GATM: variants seen among roughly 807,000 people sequenced by gnomAD.
GATM encodes glycine amidinotransferase, mitochondrial.
GATM carries 23 observed loss-of-function variants against 54.2 expected under a neutral mutation model. That is an observed-to-expected ratio of 0.42 (90% CI 0.31 to 0.60). The LOEUF (loss-of-function observed/expected upper bound fraction) is 0.60, where lower values mean the gene tolerates loss of function less well. Ranked by LOEUF, GATM falls within the 20% of genes least tolerant of loss-of-function variation. The probability of loss-of-function intolerance (pLI) is 0.14; values close to 1 mark genes in which losing one functional copy is unlikely to be tolerated. For missense variants in GATM, 401 were observed against 544.9 expected, an observed-to-expected ratio of 0.74 and a Z score of 2.63; for synonymous variants, 168 against 183.1, an observed-to-expected ratio of 0.92 and a Z score of 0.67.
rs778023713 is a variant in GATM, at chr15:45,369,316, C to T, written c.484+10G>A. 7 of 1,611,370 alleles carry T rather than the reference C, an allele frequency of 4.3e-6. No homozygotes were observed. Among genetic ancestry groups the T allele is most frequent in the Non-Finnish European group, 5.9e-6 (7 of 1,177,626 alleles). Reference sequence around the variant, plus strand: ...AGACACTGGCAGTTTAGTTATCTGACATCACTTACCCGTAGACTCAAAATC... The same window carrying T: ...AGACACTGGCAGTTTAGTTATCTGATATCACTTACCCGTAGACTCAAAATC... On this transcript the variant is annotated intron_variant, in intron 3 of 8. Coordinates refer to ENST00000396659, the MANE Select transcript of GATM (RefSeq NM_001482.3).
intron 4 of GATM, among the ~76,000 whole-genome samples, chr15:45,367,305 C>A (rs572850766): frequency 1.2e-4 from 18 of 150,462 alleles, no homozygotes; most frequent in Non-Finnish European, 2.1e-4. Flanking sequence ...CACGCCACTG[C>A]ACTCCAGTCT....
In GATM at chr15:45,366,454, A is replaced by G. The variant is rs1254418514; in HGVS notation, c.730T>C (p.Phe244Leu). 6.2e-7 allele frequency: 1 copy of G among 1,614,132 alleles called. No individual in the cohort carries two copies. The highest frequency in any genetic ancestry group is 8.5e-7 in the Non-Finnish European group (1 of 1,180,026). Reference sequence around the variant, plus strand: ...CATGGCTCAAACTCAGTTGTCACAAATTTTCCCTGAGCAGCCAATTTGTGT... The same window carrying G: ...CATGGCTCAAACTCAGTTGTCACAAGTTTTCCCTGAGCAGCCAATTTGTGT... The part of the protein sequence containing the change: ...DRHKLAAQGK[F>L]VTTEFEPCFD... The change falls in exon 5 of 9, where the codon TTT (phenylalanine) becomes CTT (leucine). Residue 244 changes from phenylalanine (F) to leucine (L), a missense_variant. Physicochemically the swap from Phe to Leu is conservative, Grantham distance 22. Around this residue, in one of 3 missense-constraint regions of GATM, gnomAD observed 321 missense variants for 457.5 expected, o/e 0.70. Coordinates refer to ENST00000396659, the MANE Select transcript of GATM (RefSeq NM_001482.3).
Position 45,368,646 on chromosome 15 carries a change from C to T in GATM, c.485-386G>A, listed in dbSNP as rs1463632242. On this transcript the variant is annotated intron_variant, in intron 3 of 8. Coordinates refer to ENST00000396659, the MANE Select transcript of GATM (RefSeq NM_001482.3). The surrounding 1 kb of genome is among the most constrained non-coding windows in gnomAD (Gnocchi z 5.1). ...AACAAAAAATGTCTATATAATATTACCTCTTTTTTTGGTTAAAAAAATTGC... is the reference window on the plus strand; with the variant it reads ...AACAAAAAATGTCTATATAATATTATCTCTTTTTTTGGTTAAAAAAATTGC... Among the ~76,000 whole-genome samples the T allele has an allele frequency of 1.3e-5, 2 of 151,190 alleles. No homozygotes were observed. The highest frequency in any genetic ancestry group is 2.9e-5 in the Non-Finnish European group (2 of 67,934).
Position 45,378,466 on chromosome 15 carries a change from G to T in GATM, c.-13C>A. 5 of 1,434,424 alleles carry T rather than the reference G, an allele frequency of 3.5e-6. No homozygotes were observed. The highest frequency in any genetic ancestry group is 4.5e-6 in the Non-Finnish European group (5 of 1,100,230). The allele number at this position is 1,434,424 out of a possible 1,614,324, so 88.9% of individuals were successfully genotyped here. ...GCACCCGCAGCATCGCCCTGGCCCG[G>T]CTGGTCCACGCGCGGAATGTTCCTG... On this transcript the variant is annotated 5_prime_UTR_variant, in exon 1 of 9. Transcript: ENST00000396659.
At chr15:45,378,604 C>T (rs1263156118), upstream of GATM, 2 of 548,420 alleles carry the variant, frequency 3.6e-6, no homozygotes, top group Non-Finnish European at 3.0e-6. Context: ...CCGCCCCCCG[C>T]GGCCCCATTG....
At chr15:45,394,910 A>G (rs1415258177) in intron 3 of GATM, among the ~76,000 whole-genome samples, 1 of 152,184 alleles carries the variant, frequency 6.6e-6, no homozygotes, top group African/African-American at 2.4e-5. Context: ...TTTTGGAGTC[A>G]GCCCTCCCAT....
At chr15:45,388,454 GT>G (rs1889831751) in intron 3 of GATM, among the ~76,000 whole-genome samples, 1 of 152,134 alleles carries the variant, frequency 6.6e-6, no homozygotes, top group African/African-American at 2.4e-5. Flanking sequence ...GATCTTACCA[GT>G]TTTTCCACTA....
rs1360207292 is a variant in GATM, at chr15:45,368,263, G to T, written c.485-3C>A. 1.9e-6 allele frequency: 3 copies of T among 1,613,370 alleles called. No individual in the cohort carries two copies. In the East Asian group the frequency reaches 6.7e-5, roughly 36 times the overall value. ...TCGAGGCATTGCACTGTATAAACCT[G>T]TCAGACCAAAAAATTCCATGACAAC... On this transcript the variant is annotated splice_polypyrimidine_tract_variant and splice_region_variant and intron_variant, in intron 3 of 8. Transcript: ENST00000396659. The surrounding 1 kb of genome is among the most constrained non-coding windows in gnomAD (Gnocchi z 5.1).
chr15:45,387,386 A>G (rs781479719), intron 3 of GATM, among the ~76,000 whole-genome samples: 12 of 152,202 alleles, frequency 7.9e-5, no homozygotes, highest in Non-Finnish European at 1.3e-4. Context: ...GTTTACTAGT[A>G]TAGGACTAAT....
chr15:45,375,488 C>G (rs1295686512), intron 2 of GATM, among the ~76,000 whole-genome samples: 2 of 152,084 alleles, frequency 1.3e-5, no homozygotes, highest in African/African-American at 4.8e-5. Context: ...CTAAAGGGCA[C>G]AGGAAGATGG....
At position 45,398,372 on chromosome 15, in the gene GATM, A is replaced by T. The variant is rs183696290; in HGVS notation, c.-480+1174T>A. ...CAATTTCCTGAAAATGTGCAAGAAC[A>T]GACTTTCAGAATGATGTTCTATGAA... On this transcript the variant is annotated intron_variant, in intron 2 of 4. Transcript: ENST00000561148. 5.3e-5 allele frequency among the ~76,000 whole-genome samples: 8 copies of T among 152,380 alleles called. No homozygotes were observed. In the East Asian group the frequency reaches 1.5e-3, roughly 29 times the overall value.
Position 45,361,847 on chromosome 15 carries a change from T to G in GATM, c.*262A>C, listed in dbSNP as rs1889370295. On this transcript the variant is annotated 3_prime_UTR_variant, in exon 9 of 9. Transcript: ENST00000396659. ...TGGCCAAGTTACTCAGGTGACTAAT[T>G]TTTTCTTGGTACACATTCACCAAAA... The G allele has an allele frequency of 1.9e-6, 1 of 520,906 alleles. No homozygotes were observed. The highest frequency in any genetic ancestry group is 3.4e-5 in the South Asian group (1 of 29,608). 32.3% of individuals were successfully genotyped at this position (520,906 alleles called of 1,614,324 possible). A position where few individuals can be genotyped will look rare whatever the true frequency, so the allele number is the denominator to read the frequency against.
At chr15:45,365,385 A>G (rs951397151) in intron 6 of GATM, among the ~76,000 whole-genome samples, 3 of 152,234 alleles carry the variant, frequency 2.0e-5, no homozygotes, top group Non-Finnish European at 4.4e-5. Flanking sequence ...ATACGAATAA[A>G]TGATAATAAA....
chr15:45,393,170 A>G (rs532390058), intron 3 of GATM, among the ~76,000 whole-genome samples: 21 of 152,346 alleles, frequency 1.4e-4, no homozygotes, highest in African/African-American at 4.8e-4. Context: ...TTTTATTTCC[A>G]TTTTACAAAT....
In GATM at chr15:45,375,071, GT is replaced by G. The variant is rs1463362501; in HGVS notation, c.288+1529del. 3.9e-5 allele frequency among the ~76,000 whole-genome samples: 6 copies of G among 152,024 alleles called. No homozygotes were observed. In the South Asian group the frequency reaches 6.2e-4, roughly 16 times the overall value. On this transcript the variant is annotated intron_variant, in intron 2 of 8. Coordinates refer to ENST00000396659, the MANE Select transcript of GATM (RefSeq NM_001482.3). ...CAGATAAAAACCACTAGGAGTTTTTGTTTGTTTGTTTGTTTTTGAGATGGAG... is the reference window on the plus strand; with the variant it reads ...CAGATAAAAACCACTAGGAGTTTTTGTTGTTTGTTTGTTTTTGAGATGGAG...
At chr15:45,393,556 T>C (rs774387729) in intron 3 of GATM, among the ~76,000 whole-genome samples, 11 of 152,158 alleles carry the variant, frequency 7.2e-5, no homozygotes, top group Non-Finnish European at 1.6e-4. Flanking sequence ...TACATGCCAA[T>C]AGAGCTTTTA....
intron 2 of GATM, among the ~76,000 whole-genome samples, chr15:45,372,890 G>A (rs1889565397): frequency 6.6e-6 from 1 of 152,136 alleles, no homozygotes; most frequent in Admixed American, 6.6e-5. Flanking sequence ...TGCTAAATGA[G>A]CCAGCAATCA....
At chr15:45,375,885 T>A (rs182990334) in intron 2 of GATM, among the ~76,000 whole-genome samples, 6 of 151,968 alleles carry the variant, frequency 3.9e-5, no homozygotes, top group Admixed American at 3.3e-4. Flanking sequence ...AGCTGCCAGG[T>A]GATTTGGTGA....
chr15:45,375,421 G>C (rs1008520062), intron 2 of GATM, among the ~76,000 whole-genome samples: 2 of 152,138 alleles, frequency 1.3e-5, no homozygotes, highest in East Asian at 1.9e-4. Flanking sequence ...GGGAAATCCT[G>C]GAAGACTTTG....
Sources: allele counts gnomAD v4.1 joint callset (sites outside exome capture counted in the v4.1 genomes callset), GRCh38; gene constraint gnomAD v4.1.1; regional missense constraint gnomAD v4.1.1; non-coding constraint Gnocchi (gnomAD v3.1); transcripts MANE v1.5; gene names NCBI Gene and HGNC (gene_info 2026-07-23, HGNC 2026-07-21).